Variants in SOAT1 observed in about 807,000 individuals in gnomAD.
SOAT1 encodes the protein sterol O-acyltransferase 1, also known as acyl-coenzyme A:cholesterol acyltransferase 1.
A neutral mutation model predicts 69.5 loss-of-function variants in SOAT1; 55 were observed. That is an observed-to-expected ratio of 0.79 (90% CI 0.64 to 0.99). SOAT1 has a LOEUF of 0.99. Among genes scored for constraint, SOAT1 ranks in the 50% least tolerant of loss-of-function variants. SOAT1 has a pLI of 0.00. For missense variants in SOAT1, 580 were observed against 669.3 expected, an observed-to-expected ratio of 0.87 and a Z score of 1.47; for synonymous variants, 231 against 224.7, an observed-to-expected ratio of 1.03 and a Z score of -0.25.
chr1:179,300,836 C>T (rs1225443289), intron 1 of SOAT1, among the ~76,000 whole-genome samples: 1 of 152,118 alleles, frequency 6.6e-6, no homozygotes, highest in African/African-American at 2.4e-5. Context: ...TGGCTCATGC[C>T]TGTAATCCCA....
Position 179,335,585 on chromosome 1 carries a change from C to T in SOAT1, c.257C>T (p.Ser86Leu). Residue 86 changes from serine to leucine, a missense_variant, in exon 4 of 16, where the codon TCA becomes TTA. By Grantham distance (145) the Ser-to-Leu change is moderately radical (BLOSUM62 -2). Transcript: ENST00000367619. ...FVTNLIEKSA[S>L]LDNGGCALTT... ...ACCAATCTCATTGAAAAGTCAGCAT[C>T]ATTAGATAATGGTGGGTGCGCTCTC... The T allele has an allele frequency of 6.2e-7, 1 of 1,613,964 alleles. No homozygotes were observed. Among genetic ancestry groups the T allele is most frequent in the Non-Finnish European group, 8.5e-7 (1 of 1,179,852 alleles).
At chr1:179,296,311 CG>C (rs1664638524) in intron 1 of SOAT1, among the ~76,000 whole-genome samples, 1 of 152,092 alleles carries the variant, frequency 6.6e-6, no homozygotes, top group Admixed American at 6.5e-5. Context: ...GAAAAAACAA[CG>C]TGTATTGGGT....
Position 179,350,397 on chromosome 1 carries a change from T to C in SOAT1, c.1416T>C (p.Tyr472=). ...TGGCTGTTTGCTTGAGCTTTTTCTATCCCGTGCTCTTCGTGCTCTTCATGT... is the reference window on the plus strand; with the variant it reads ...TGGCTGTTTGCTTGAGCTTTTTCTACCCCGTGCTCTTCGTGCTCTTCATGT... ...YALAVCLSFF[Y]PVLFVLFMFF... Residue 472 remains tyrosine, a synonymous_variant, in exon 14 of 16, where the codon TAT becomes TAC. Coordinates refer to ENST00000367619, the MANE Select transcript of SOAT1 (RefSeq NM_003101.6). 1 of 1,614,114 alleles carries C rather than the reference T, an allele frequency of 6.2e-7. No homozygotes were observed. The highest frequency in any genetic ancestry group is 1.3e-5 in the African/African-American group (1 of 75,064).
intron 1 of SOAT1, among the ~76,000 whole-genome samples, chr1:179,299,749 T>A (rs1664769916): frequency 7.3e-5 from 4 of 54,890 alleles, no homozygotes; most frequent in South Asian, 1.6e-3. Flanking sequence ...TGCTATCTTT[T>A]TTTTTTTTTT....
rs1666482498 is a variant in SOAT1, at chr1:179,345,103, C to A, written c.1117+27C>A. On this transcript the variant is annotated intron_variant, in intron 11 of 15. Transcript: ENST00000367619. ...TAACATGGGTACTTGTTAATTTGGT[C>A]ATGCATAAATTCACGAGGTAAATAG... 1.9e-6 allele frequency: 3 copies of A among 1,610,886 alleles called. No homozygotes were observed. In the South Asian group the frequency reaches 3.3e-5, roughly 18 times the overall value.
intron 8 of SOAT1, among the ~76,000 whole-genome samples, chr1:179,342,514 G>A (rs528096416): frequency 3.3e-4 from 50 of 151,768 alleles, no homozygotes; most frequent in Non-Finnish European, 6.5e-4. Flanking sequence ...TGACTATTCC[G>A]GCTTTGCCCT....
intron 2 of SOAT1, among the ~76,000 whole-genome samples, chr1:179,323,022 T>G (rs981386575): frequency 2.0e-5 from 3 of 150,054 alleles, no homozygotes; most frequent in African/African-American, 7.4e-5. Context: ...AGGATTCTAG[T>G]TTCATTTTCT....
chr1:179,315,596 G>C (rs1665364199), intron 2 of SOAT1, among the ~76,000 whole-genome samples: 1 of 152,138 alleles, frequency 6.6e-6, no homozygotes, highest in Non-Finnish European at 1.5e-5. Flanking sequence ...TATTTTGAAG[G>C]TAAAGGAAAA....
rs372630515 is a variant in SOAT1, at chr1:179,356,854, G to GT, written c.*3226dup. The GT allele has an allele frequency of 0.47, 64,559 of 138,746 alleles. 14,348 individuals are homozygous for GT. The highest frequency in any genetic ancestry group is 0.5 in the Non-Finnish European group (32,171 of 64,886). The allele number at this position is 138,746 out of a possible 1,614,324, so 8.6% of individuals were successfully genotyped here. ...ACCACCACACCCAGCTAATTTATTT[G>GT]TTTTTTTTTTTTTAGAGATGGGGGG... is the stretch of plus-strand genomic sequence containing the variant. On this transcript the variant is annotated 3_prime_UTR_variant, in exon 16 of 16. Transcript: ENST00000367619.
At chr1:179,307,982 G>C (rs1232691950) in intron 2 of SOAT1, among the ~76,000 whole-genome samples, 2 of 151,974 alleles carry the variant, frequency 1.3e-5, no homozygotes, top group African/African-American at 4.8e-5. Flanking sequence ...TAGAAACGGG[G>C]TTTCTCCATG....
chr1:179,345,568 CTT>C (rs77132970), intron 11 of SOAT1, among the ~76,000 whole-genome samples: 3 of 144,522 alleles, frequency 2.1e-5, no homozygotes, highest in Non-Finnish European at 3.0e-5. Context: ...GTTTTCTTGC[CTT>C]TTTTTTTTTT....
intron 13 of SOAT1, 23 bp from the exon 14 acceptor site, chr1:179,350,273 G>C: frequency 6.2e-7 from 1 of 1,603,958 alleles, no homozygotes; most frequent in Non-Finnish European, 8.5e-7. Context: ...AAATTACTTT[G>C]TAGTGTTTTC....
At chr1:179,315,192 C>T (rs1193491538) in intron 2 of SOAT1, among the ~76,000 whole-genome samples, 8 of 152,124 alleles carry the variant, frequency 5.3e-5, no homozygotes, top group Non-Finnish European at 1.2e-4. Context: ...TCCTTGTAAT[C>T]CCAACAGTTT....
At chr1:179,303,846 C>G (rs1388168482) in intron 2 of SOAT1, among the ~76,000 whole-genome samples, 1 of 152,330 alleles carries the variant, frequency 6.6e-6, no homozygotes, top group South Asian at 2.1e-4. Context: ...GTTTGTTTCC[C>G]TTGCCTGCAT....
chr1:179,343,711 TTAA>T (rs1213491137), intron 10 of SOAT1, 76 bp downstream of exon 10: 8 of 1,031,104 alleles, frequency 7.8e-6, no homozygotes, highest in Non-Finnish European at 1.2e-5. Flanking sequence ...TATAATCTAG[TTAA>T]ATCTAATTGG....
Position 179,358,509 on chromosome 1 carries a change from A to G in SOAT1, c.*4868A>G, listed in dbSNP as rs1371230828. 2 of 152,158 alleles carry G rather than the reference A, an allele frequency of 1.3e-5. No individual in the cohort carries two copies. The highest frequency in any genetic ancestry group is 2.9e-5 in the Non-Finnish European group (2 of 68,024). 9.4% of individuals were successfully genotyped at this position (152,158 alleles called of 1,614,324 possible). On this transcript the variant is annotated 3_prime_UTR_variant, in exon 16 of 16. Coordinates refer to ENST00000367619, the MANE Select transcript of SOAT1 (RefSeq NM_003101.6). ...TGAATTTCCATGGAAAAAGGTGCCA[A>G]TTTTGGATTGGGAAAGGAGCTGAAG... is the stretch of plus-strand genomic sequence containing the variant.
chr1:179,294,102 G>C (rs1424454179), intron 1 of SOAT1, among the ~76,000 whole-genome samples, 166 bp downstream of exon 1: 4 of 151,216 alleles, frequency 2.6e-5, no homozygotes, highest in Non-Finnish European at 5.9e-5. Context: ...TTGGGGAGGG[G>C]AGGGCGGGAA....
chr1:179,304,189 G>A (rs61821739), intron 2 of SOAT1, among the ~76,000 whole-genome samples: 33,007 of 152,022 alleles, frequency 0.22, 4,593 homozygotes, highest in East Asian at 0.38. Flanking sequence ...TCACCTTGGG[G>A]AGTAAGTGCT....
chr1:179,330,127 T>C (rs1299712013), intron 3 of SOAT1, among the ~76,000 whole-genome samples: 1 of 152,208 alleles, frequency 6.6e-6, no homozygotes, highest in African/African-American at 2.4e-5. Flanking sequence ...GAGTTTATTA[T>C]ACACACCAGC....
Sources: gnomAD v4.1 joint callset for allele counts (sites outside exome capture counted in the v4.1 genomes callset) on GRCh38, gnomAD v4.1.1 for gene constraint, MANE v1.5 for transcripts, NCBI Gene and HGNC (gene_info 2026-07-23, HGNC 2026-07-21) for gene names.